EDA: variants seen among roughly 807,000 people sequenced by gnomAD.
The protein encoded by EDA is ectodysplasin-A.
Under a neutral mutation model 23.6 loss-of-function variants are expected in EDA, and 2 were observed. The ratio of observed to expected loss-of-function variants is 0.08; its 90% CI spans 0.03 to 0.27. The LOEUF (loss-of-function observed/expected upper bound fraction) is 0.27. Ranked by LOEUF, EDA falls within the 10% of genes least tolerant of loss-of-function variation. EDA has a pLI of 1.00. For missense variants in EDA, 229 were observed against 324.2 expected (o/e 0.71, Z 2.26); for synonymous variants, 131 against 132.0 (o/e 0.99, Z 0.05).
chrX:69,625,604 T>C (rs1932353907), intron 1 of EDA, among the ~76,000 whole-genome samples: 1 of 110,989 alleles, frequency 9.0e-6, no homozygotes. Flanking sequence ...ATAAATGATG[T>C]TGGGAAAATT....
At chrX:69,740,620 A>C (rs1383898259) in intron 1 of EDA, among the ~76,000 whole-genome samples, 1 of 110,836 alleles carries the variant, frequency 9.0e-6, no homozygotes, top group Non-Finnish European at 1.9e-5. Context: ...GTTTGGGTGT[A>C]GATCTCATTG....
intron 1 of EDA, among the ~76,000 whole-genome samples, chrX:69,907,400 C>CATAT (rs1380488021): frequency 9.0e-6 from 1 of 111,203 alleles, no homozygotes; most frequent in Non-Finnish European, 1.9e-5. Context: ...TATAGAGAAG[C>CATAT]ATATGTATTT....
At chrX:69,735,051 C>T (rs1023082258) in intron 1 of EDA, among the ~76,000 whole-genome samples, 4 of 111,411 alleles carry the variant, frequency 3.6e-5, no homozygotes, top group Admixed American at 2.9e-4. Context: ...AAAGCAAGGT[C>T]TTGAAGGGCT....
intron 1 of EDA, among the ~76,000 whole-genome samples, chrX:69,864,270 C>A (rs1055217856): frequency 8.1e-5 from 9 of 111,187 alleles, no homozygotes; most frequent in Non-Finnish European, 1.7e-4. Context: ...ATGGATCACA[C>A]CTGAAAATTG....
At chrX:69,779,614 C>G (rs928257753) in intron 1 of EDA, among the ~76,000 whole-genome samples, 7 of 111,289 alleles carry the variant, frequency 6.3e-5, no homozygotes, top group African/African-American at 2.3e-4. Flanking sequence ...ATGGTGGTTG[C>G]ATAAGATTTT....
At chrX:69,739,539 T>G (rs1485836764) in intron 1 of EDA, among the ~76,000 whole-genome samples, 1 of 111,380 alleles carries the variant, frequency 9.0e-6, no homozygotes, top group African/African-American at 3.2e-5. Flanking sequence ...CCTCTATATC[T>G]TTTGTCTTCT....
At chrX:69,770,610 T>A (rs1454241091) in intron 1 of EDA, among the ~76,000 whole-genome samples, 1 of 111,887 alleles carries the variant, frequency 8.9e-6, no homozygotes, top group African/African-American at 3.2e-5. Flanking sequence ...GAGCTCTTTA[T>A]GTATTCAACA....
intron 1 of EDA, chrX:69,937,529 G>A: frequency 2.1e-6 from 2 of 975,027 alleles, no homozygotes; most frequent in South Asian, 3.8e-5. Flanking sequence ...TGATTAAATA[G>A]CCAAAGTTGT....
intron 2 of EDA, among the ~76,000 whole-genome samples, chrX:69,969,921 T>C (rs1023948700): frequency 1.8e-5 from 2 of 110,644 alleles, no homozygotes; most frequent in African/African-American, 3.3e-5. Context: ...CCGGGGAACA[T>C]AGCAAGACCC....
At chrX:69,684,730 A>G (rs1377619440) in intron 1 of EDA, among the ~76,000 whole-genome samples, 1 of 112,758 alleles carries the variant, frequency 8.9e-6, no homozygotes. Context: ...CATTTATAAA[A>G]CAGGAAATAC....
chrX:69,971,947 T>C (rs979343718), intron 2 of EDA, among the ~76,000 whole-genome samples: 4 of 111,437 alleles, frequency 3.6e-5, no homozygotes, highest in Non-Finnish European at 7.5e-5. Context: ...AATGCAGTTG[T>C]CTATGAAGCC....
intron 1 of EDA, among the ~76,000 whole-genome samples, chrX:69,846,858 G>A (rs1363612730): frequency 8.9e-6 from 1 of 111,746 alleles, no homozygotes; most frequent in African/African-American, 3.2e-5. Context: ...TCAGATTCCA[G>A]GTGGAGAGTG....
At chrX:69,630,889 G>A (rs1932548046) in intron 1 of EDA, among the ~76,000 whole-genome samples, 1 of 111,359 alleles carries the variant, frequency 9.0e-6, no homozygotes, top group Admixed American at 9.6e-5. Context: ...GGGATAACTG[G>A]ATTGGAAATT....
At chrX:69,758,381 T>C (rs183844727) in intron 1 of EDA, among the ~76,000 whole-genome samples, 1 of 112,170 alleles carries the variant, frequency 8.9e-6, no homozygotes, top group East Asian at 2.8e-4. Context: ...AGAAAGAAGA[T>C]TCAGTGTCAA....
chrX:70,029,089 A>G (rs1455100253), intron 4 of EDA, among the ~76,000 whole-genome samples: 1 of 112,824 alleles, frequency 8.9e-6, no homozygotes, highest in African/African-American at 3.2e-5. Context: ...CTCCTAGAGG[A>G]AGAGAGAACA....
chrX:69,881,779 A>G (rs2017751994), intron 1 of EDA, among the ~76,000 whole-genome samples: 1 of 112,138 alleles, frequency 8.9e-6, no homozygotes, highest in Non-Finnish European at 1.9e-5. Context: ...GCTTCTGGCA[A>G]GGCCTCAGGA....
intron 1 of EDA, among the ~76,000 whole-genome samples, chrX:69,785,875 T>C (rs2015146895): frequency 9.2e-6 from 1 of 109,120 alleles, no homozygotes; most frequent in South Asian, 4.0e-4. Flanking sequence ...ATGGTACCAG[T>C]TCCTCCTTGT....
intron 1 of EDA, among the ~76,000 whole-genome samples, chrX:69,766,771 G>A (rs1359049334): frequency 1.8e-5 from 2 of 112,200 alleles, no homozygotes; most frequent in African/African-American, 6.5e-5. Context: ...ATCTGTCTTT[G>A]TGGTAGAATG....
At chrX:69,803,301 G>A (rs1569337753) in intron 1 of EDA, among the ~76,000 whole-genome samples, 10 of 108,882 alleles carry the variant, frequency 9.2e-5, no homozygotes, top group Non-Finnish European at 9.6e-5. Flanking sequence ...CAGTTTTTTT[G>A]GTTTTTTTTT....
Sources: allele counts gnomAD v4.1 joint callset (sites outside exome capture counted in the v4.1 genomes callset), GRCh38; gene constraint gnomAD v4.1.1; transcripts MANE v1.5; gene names NCBI Gene and HGNC (gene_info 2026-07-23, HGNC 2026-07-21).